Variants in FAM24B observed in about 807,000 individuals in gnomAD.
FAM24B encodes protein FAM24B.
In FAM24B, 3 loss-of-function variants were observed where a neutral mutation model predicts 2.3. That is an observed-to-expected ratio of 1.29 (90% CI 0.59 to 3.32). The LOEUF (loss-of-function observed/expected upper bound fraction) is 3.32. Among genes scored for constraint, FAM24B ranks in the 30% most tolerant of loss-of-function variants. FAM24B has a pLI of 0.03. For synonymous variants in FAM24B, 36 were observed against 46.3 expected, an observed-to-expected ratio of 0.78 and a Z score of 0.90; for missense variants, 98 against 117.2, an observed-to-expected ratio of 0.84 and a Z score of 0.76.
At position 122,857,895 on chromosome 10, in the gene FAM24B, C is replaced by T. The variant is rs115682492; in HGVS notation, c.-177-2109G>A. Among the ~76,000 whole-genome samples, 231 of 152,280 alleles carry T rather than the reference C, an allele frequency of 1.5e-3. 2 individuals carry two copies. Among genetic ancestry groups the T allele is most frequent in the African/African-American group, 4.9e-3 (204 of 41,558 alleles). On this transcript the variant is annotated intron_variant, in intron 1 of 3. Coordinates refer to ENST00000368898, the MANE Select transcript of FAM24B (RefSeq NM_152644.3). ...ATGTCCCCCAAATGGGCTGGAAGTGCGTGTCAGTGCCTGCTGACCACCTGA... is the reference window on the plus strand; with the variant it reads ...ATGTCCCCCAAATGGGCTGGAAGTGTGTGTCAGTGCCTGCTGACCACCTGA...
chr10:122,864,467 T>C (rs1277015617), intron 1 of FAM24B, among the ~76,000 whole-genome samples: 1 of 152,222 alleles, frequency 6.6e-6, no homozygotes, highest in Admixed American at 6.5e-5. Flanking sequence ...AACTTTTGTA[T>C]ACATATTTAG....
chr10:122,877,800 T>C (rs980938558), intron 1 of FAM24B, among the ~76,000 whole-genome samples: 10 of 152,268 alleles, frequency 6.6e-5, no homozygotes, highest in African/African-American at 2.4e-4. Flanking sequence ...GCAAAGTTTT[T>C]TCAGCTTTGA....
chr10:122,872,519 A>G (rs1847913619), intron 1 of FAM24B, among the ~76,000 whole-genome samples: 1 of 152,242 alleles, frequency 6.6e-6, no homozygotes, highest in Non-Finnish European at 1.5e-5. Context: ...CACAATAGCA[A>G]AGACTTGGAA....
chr10:122,850,342 G>T, intron 3 of FAM24B, 82 bp downstream of exon 3: 1 of 1,133,930 alleles, frequency 8.8e-7, no homozygotes, highest in Non-Finnish European at 1.3e-6. Flanking sequence ...AGGAAGCCCA[G>T]GTATCCCACT....
chr10:122,851,489 T>C (rs1847535287), intron 2 of FAM24B, among the ~76,000 whole-genome samples: 1 of 152,236 alleles, frequency 6.6e-6, no homozygotes, highest in South Asian at 2.1e-4. Context: ...ATCAACGCTC[T>C]GGACACCAGC....
At chr10:122,869,089 A>T (rs1268917296) in intron 1 of FAM24B, among the ~76,000 whole-genome samples, 1 of 152,114 alleles carries the variant, frequency 6.6e-6, no homozygotes, top group African/African-American at 2.4e-5. Context: ...ATGGAGGAAG[A>T]TCTACCAAGC....
chr10:122,871,028 TAGAAAACCC>T (rs1480147814), intron 1 of FAM24B, among the ~76,000 whole-genome samples: 1 of 152,224 alleles, frequency 6.6e-6, no homozygotes, highest in Non-Finnish European at 1.5e-5. Context: ...ATTGTAAATC[TAGAAAACCC>T]CATCGTCTCA....
chr10:122,859,916 TG>T (rs1393773366), intron 1 of FAM24B, among the ~76,000 whole-genome samples: 2 of 152,140 alleles, frequency 1.3e-5, no homozygotes, highest in Non-Finnish European at 2.9e-5. Flanking sequence ...CCTGTGAAGT[TG>T]TTCAAGACAA....
chr10:122,871,166 T>C (rs1489618617), intron 1 of FAM24B, among the ~76,000 whole-genome samples: 2 of 151,956 alleles, frequency 1.3e-5, no homozygotes, highest in African/African-American at 4.8e-5. Context: ...AGCCAAATCA[T>C]GAGTGAACTC....
In FAM24B at chr10:122,850,486, C is replaced by T. The variant is rs558510109; in HGVS notation, c.30G>A (p.Ala10=). The change falls in exon 3 of 4, where the codon GCG becomes GCA. Residue 10 remains alanine (A), a synonymous_variant. Transcript: ENST00000368898. The part of the protein sequence containing the change: MPVIAGGIL[A]ALLLLIVVVL... ...CGACAACTATCAGCAGGAGCAAGGC[C>T]GCCAGGATACCACCAGCGATGACAG... 59 of 1,613,922 alleles carry T rather than the reference C, an allele frequency of 3.7e-5. No homozygotes were observed. The South Asian group carries it at 5.1e-4, about 14-fold the overall frequency.
intron 1 of FAM24B, among the ~76,000 whole-genome samples, chr10:122,868,224 T>A (rs994301657): frequency 6.6e-6 from 1 of 151,216 alleles, no homozygotes; most frequent in Non-Finnish European, 1.5e-5. Context: ...GTGAAGAGAA[T>A]TTTAGAGAAA....
At chr10:122,874,382 G>A (rs1847945921) in intron 1 of FAM24B, among the ~76,000 whole-genome samples, 1 of 152,124 alleles carries the variant, frequency 6.6e-6, no homozygotes, top group Non-Finnish European at 1.5e-5. Context: ...CCAAGTTCAT[G>A]ACCTTGGATC....
At chr10:122,859,624 A>G (rs575214842) in intron 1 of FAM24B, among the ~76,000 whole-genome samples, 1 of 152,218 alleles carries the variant, frequency 6.6e-6, no homozygotes, top group Non-Finnish European at 1.5e-5. Flanking sequence ...TCTTGTACCA[A>G]CTGTCATAGG....
chr10:122,856,035 CCAAGAGTGTA>C (rs1328956167), intron 1 of FAM24B, among the ~76,000 whole-genome samples: 1 of 152,218 alleles, frequency 6.6e-6, no homozygotes, highest in Admixed American at 6.5e-5. Context: ...GGTAAAAAAG[CCAAGAGTGTA>C]CATAAACATG....
intron 2 of FAM24B, among the ~76,000 whole-genome samples, chr10:122,853,209 T>C (rs557251374): frequency 1.3e-5 from 2 of 152,144 alleles, no homozygotes; most frequent in African/African-American, 4.8e-5. Flanking sequence ...GTCCCCTATA[T>C]GGGAAATTTT....
intron 2 of FAM24B, among the ~76,000 whole-genome samples, chr10:122,854,764 C>A (rs1339943839): frequency 1.3e-5 from 2 of 152,216 alleles, no homozygotes; most frequent in African/African-American, 4.8e-5. Context: ...ATTCCCAATA[C>A]AGGGGCTGGC....
chr10:122,860,563 T>G (rs1200740056), intron 1 of FAM24B, among the ~76,000 whole-genome samples: 2 of 152,236 alleles, frequency 1.3e-5, no homozygotes, highest in East Asian at 3.8e-4. Flanking sequence ...GTGTATTCAG[T>G]GTATGTCTGA....
Position 122,849,368 on chromosome 10 carries a change from C to G in FAM24B, c.164G>C (p.Ser55Thr). The G allele has an allele frequency of 6.2e-7, 1 of 1,613,460 alleles. No homozygotes were observed. The change falls in exon 4 of 4, where the codon AGC (serine) becomes ACC (threonine). Residue 55 changes from serine to threonine, a missense_variant. Ser to Thr is a moderately conservative substitution (Grantham distance 58). Transcript: ENST00000368898. ...NPDKVWWAKN[S>T]QAKTIATESC... ...CTCCGTGGCAATGGTTTTGGCCTGG[C>G]TGTTCTTGGCCCACCACACCTTGTC...
chr10:122,860,867 C>T (rs895769778), intron 1 of FAM24B, among the ~76,000 whole-genome samples: 1 of 152,000 alleles, frequency 6.6e-6, no homozygotes, highest in Non-Finnish European at 1.5e-5. Context: ...TTGCTTATTT[C>T]CTGAAATTAG....
Sources: gnomAD v4.1 joint callset for allele counts (sites outside exome capture counted in the v4.1 genomes callset) on GRCh38, gnomAD v4.1.1 for gene constraint, MANE v1.5 for transcripts, NCBI Gene and HGNC (gene_info 2026-07-23, HGNC 2026-07-21) for gene names.